MUCL1: variants seen among roughly 807,000 people sequenced by gnomAD.
MUCL1 encodes mucin like 1.
MUCL1 carries 11 observed loss-of-function variants against 9.2 expected under a neutral mutation model. The observed-to-expected ratio is 1.19, with a 90% CI of 0.75 to 1.97. MUCL1 has a LOEUF of 1.97. Among genes scored for constraint, MUCL1 ranks in the 30% most tolerant of loss-of-function variants. The pLI, the probability that MUCL1 is intolerant of heterozygous loss-of-function variation, is 0.00. For synonymous variants in MUCL1, 48 were observed against 40.5 expected (o/e 1.19, Z -0.71); for missense variants, 144 against 110.9 (o/e 1.30, Z -1.34).
At chr12:54,857,044 G>C in intron 3 of MUCL1, 152 bp downstream of exon 3, 4 of 1,222,720 alleles carry the variant, frequency 3.3e-6, no homozygotes, top group East Asian at 2.4e-5. Context: ...CAAGTCAACA[G>C]ATAAATATCA....
At position 54,856,885 on chromosome 12, in the gene MUCL1, C is replaced by G. The variant is rs762988048; in HGVS notation, c.216C>G (p.Asp72Glu). ...TTAASTTARK[D>E]IPVLPKWVGD... is the part of the protein sequence containing the mutation. ...CTGCTTCTACCACTGCTCGTAAAGA[C>G]ATTCCAGGTAGCAAGACTCCTCCAT... The change falls in exon 3 of 4, where the codon GAC becomes GAG. Residue 72 changes from aspartate to glutamate, a missense_variant. Asp to Glu is a conservative substitution (Grantham distance 45). Coordinates refer to ENST00000308796, the MANE Select transcript of MUCL1 (RefSeq NM_058173.3). 6 of 1,613,744 alleles carry G rather than the reference C, an allele frequency of 3.7e-6. No homozygotes were observed. The highest frequency in any genetic ancestry group is 3.4e-6 in the Non-Finnish European group (4 of 1,179,794).
chr12:54,852,840 T>C (rs1868265476), upstream of MUCL1, among the ~76,000 whole-genome samples: 1 of 152,026 alleles, frequency 6.6e-6, no homozygotes, highest in African/African-American at 2.4e-5. Flanking sequence ...CTTCCTTCCT[T>C]CTTTATCTCT....
chr12:54,836,502 G>A (rs117626248), upstream of MUCL1, among the ~76,000 whole-genome samples: 2,317 of 152,078 alleles, frequency 0.015, 24 homozygotes, highest in Non-Finnish European at 0.023. Context: ...CTAGCTAATG[G>A]TTTTCCAATT....
intron 1 of MUCL1, among the ~76,000 whole-genome samples, chr12:54,840,653 G>T (rs1237142278): frequency 1.3e-5 from 2 of 152,156 alleles, no homozygotes; most frequent in East Asian, 3.9e-4. Flanking sequence ...GCTGGGTCAG[G>T]CAAGTCCCAC....
chr12:54,854,262 C>T (rs1255923329), upstream of MUCL1, among the ~76,000 whole-genome samples: 1 of 152,138 alleles, frequency 6.6e-6, no homozygotes, highest in African/African-American at 2.4e-5. Context: ...GACACTATAC[C>T]CTACATGTAA....
chr12:54,858,325 C>G lies in MUCL1; in HGVS notation c.*83C>G. On this transcript the variant is annotated 3_prime_UTR_variant, in exon 4 of 4. Transcript: ENST00000308796. ...TTCATCCAACTACTTACCTTGCCTA[C>G]GATATCCCCTTTATCTCTAATCAGT... The G allele has an allele frequency of 2.0e-6, 3 of 1,465,782 alleles. No individual in the cohort carries two copies. The highest frequency in any genetic ancestry group is 2.9e-6 in the Non-Finnish European group (3 of 1,045,980). The allele number at this position is 1,465,782 out of a possible 1,614,324, so 90.8% of individuals were successfully genotyped here.
At chr12:54,838,798 C>G (rs1380060976), upstream of MUCL1, among the ~76,000 whole-genome samples, 1 of 151,956 alleles carries the variant, frequency 6.6e-6, no homozygotes, top group Non-Finnish European at 1.5e-5. Context: ...AGATATCTAT[C>G]TCTTTAGAAA....
intron 1 of MUCL1, among the ~76,000 whole-genome samples, chr12:54,845,037 T>C (rs1290442995): frequency 6.6e-6 from 1 of 152,180 alleles, no homozygotes; most frequent in Non-Finnish European, 1.5e-5. Context: ...TAGAAATCAT[T>C]TGGAGGATCC....
upstream of MUCL1, among the ~76,000 whole-genome samples, chr12:54,853,131 T>G (rs1868267752): frequency 6.6e-6 from 1 of 152,172 alleles, no homozygotes; most frequent in South Asian, 2.1e-4. Context: ...GAAATAGATG[T>G]TCAGTGCTCT....
chr12:54,844,472 A>G (rs1959232019), intron 1 of MUCL1, among the ~76,000 whole-genome samples: 1 of 152,168 alleles, frequency 6.6e-6, no homozygotes, highest in African/African-American at 2.4e-5. Context: ...GGTGACACTG[A>G]ATTTCTGAGA....
At chr12:54,834,572 C>G (rs748910859), upstream of MUCL1, among the ~76,000 whole-genome samples, 3 of 151,930 alleles carry the variant, frequency 2.0e-5, no homozygotes, top group Non-Finnish European at 4.4e-5. Context: ...AACTAATTAG[C>G]ATAACATTCT....
In MUCL1 at chr12:54,856,808, ACTG is replaced by A; in HGVS notation, c.147_149del (p.Ala50del). On this transcript the variant is annotated inframe_deletion, in exon 3 of 4. Coordinates refer to ENST00000308796, the MANE Select transcript of MUCL1 (RefSeq NM_058173.3). ...TGATGAAGCCCCTGATGCTGAAACC[ACTG>A]CTGCTGCAACCACTGCAACCACTGC... 6.2e-7 allele frequency: 1 copy of A among 1,612,492 alleles called. No individual in the cohort carries two copies. Among genetic ancestry groups the A allele is most frequent in the Non-Finnish European group, 8.5e-7 (1 of 1,179,026 alleles).
At chr12:54,855,006 A>G in intron 1 of MUCL1, 110 bp from the exon 2 acceptor site, 1 of 881,264 alleles carries the variant, frequency 1.1e-6, no homozygotes, top group Non-Finnish European at 1.8e-6. Context: ...TACACCAAGG[A>G]CTGAGGGTCT....
At chr12:54,851,042 T>C (rs1326508395), upstream of MUCL1, among the ~76,000 whole-genome samples, 1 of 152,230 alleles carries the variant, frequency 6.6e-6, no homozygotes. Context: ...TTGAATTCAT[T>C]GTAGATTCTG....
intron 1 of MUCL1, among the ~76,000 whole-genome samples, chr12:54,841,696 G>C (rs1269746000): frequency 6.6e-6 from 1 of 152,102 alleles, no homozygotes; most frequent in Non-Finnish European, 1.5e-5. Flanking sequence ...CTTACTATTA[G>C]TATTTTTAGT....
chr12:54,831,884 T>A (rs1420801315), intron 1 of MUCL1, among the ~76,000 whole-genome samples: 1 of 152,128 alleles, frequency 6.6e-6, no homozygotes, highest in Admixed American at 6.6e-5. Context: ...TTCACAATTA[T>A]CTACCTCCTA....
upstream of MUCL1, among the ~76,000 whole-genome samples, chr12:54,850,160 C>A (rs937841813): frequency 3.3e-5 from 5 of 152,044 alleles, no homozygotes; most frequent in African/African-American, 1.2e-4. Context: ...TATAACTACT[C>A]ATTTTTTTTT....
At chr12:54,848,459 A>G (rs1446008457) in intron 1 of MUCL1, among the ~76,000 whole-genome samples, 1 of 152,214 alleles carries the variant, frequency 6.6e-6, no homozygotes, top group Non-Finnish European at 1.5e-5. Context: ...AATTATAATG[A>G]AAACGGCAGT....
At chr12:54,838,809 A>T (rs1031120944), upstream of MUCL1, among the ~76,000 whole-genome samples, 4 of 151,658 alleles carry the variant, frequency 2.6e-5, no homozygotes, top group African/African-American at 9.7e-5. Flanking sequence ...TCTTTAGAAA[A>T]TTTTTCATTA....
Sources: gnomAD v4.1 joint callset for allele counts (sites outside exome capture counted in the v4.1 genomes callset) on GRCh38, gnomAD v4.1.1 for gene constraint, MANE v1.5 for transcripts, NCBI Gene and HGNC (gene_info 2026-07-23, HGNC 2026-07-21) for gene names.